Variants in CNTN5 observed in about 807,000 individuals in gnomAD.
CNTN5 encodes contactin-5.
CNTN5 carries 77 observed loss-of-function variants against 129.1 expected under a neutral mutation model. The ratio of observed to expected loss-of-function variants is 0.60; its 90% CI spans 0.50 to 0.72. The LOEUF is 0.72. CNTN5 is among the 30% of genes least tolerant of loss of function. The pLI, the probability that CNTN5 is intolerant of heterozygous loss-of-function variation, is 0.00. For synonymous variants in CNTN5, 509 were observed against 465.6 expected, an observed-to-expected ratio of 1.09 and a Z score of -1.20; for missense variants, 1,478 against 1,328.8, an observed-to-expected ratio of 1.11 and a Z score of -1.75.
At chr11:99,321,294 A>T (rs1314467210) in intron 1 of CNTN5, among the ~76,000 whole-genome samples, 1 of 151,280 alleles carries the variant, frequency 6.6e-6, no homozygotes, top group African/African-American at 2.4e-5. Context: ...TCTCTGGAGA[A>T]CACTGACTAA....
At chr11:99,609,280 A>G (rs1490992968) in intron 3 of CNTN5, among the ~76,000 whole-genome samples, 1 of 152,200 alleles carries the variant, frequency 6.6e-6, no homozygotes, top group Non-Finnish European at 1.5e-5. Context: ...ATATAGACCC[A>G]AAGAGATAAG....
At chr11:100,270,689 T>C (rs1437070436) in intron 17 of CNTN5, among the ~76,000 whole-genome samples, 1 of 152,244 alleles carries the variant, frequency 6.6e-6, no homozygotes. Context: ...TGCTTGGAAT[T>C]ACCAAGTGAC....
intron 2 of CNTN5, among the ~76,000 whole-genome samples, chr11:99,436,087 G>A (rs1392736569): frequency 6.6e-6 from 1 of 152,122 alleles, no homozygotes; most frequent in African/African-American, 2.4e-5. Flanking sequence ...CGCTACCAAA[G>A]ATCTTAAATG....
intron 1 of CNTN5, among the ~76,000 whole-genome samples, chr11:99,209,827 G>A (rs528991206): frequency 1.3e-5 from 2 of 152,046 alleles, no homozygotes; most frequent in South Asian, 2.1e-4. Flanking sequence ...ACCTAACTTC[G>A]GACTTAGTGC....
intron 1 of CNTN5, among the ~76,000 whole-genome samples, chr11:99,204,326 A>G (rs918294342): frequency 6.6e-6 from 1 of 152,150 alleles, no homozygotes; most frequent in Non-Finnish European, 1.5e-5. Context: ...AAATACCCCA[A>G]ATTAATATAG....
intron 3 of CNTN5, among the ~76,000 whole-genome samples, chr11:99,698,212 T>C (rs1272029433): frequency 6.6e-6 from 1 of 151,488 alleles, no homozygotes; most frequent in Non-Finnish European, 1.5e-5. Context: ...AAATACATTA[T>C]TCAAGTATTA....
intron 2 of CNTN5, among the ~76,000 whole-genome samples, chr11:99,351,396 G>T (rs116521047): frequency 0.015 from 2,243 of 152,298 alleles, 41 homozygotes; most frequent in African/African-American, 0.05. Context: ...GGCTCTGTGG[G>T]ATGGAACTGC....
chr11:99,335,808 A>C (rs976269575), intron 2 of CNTN5, among the ~76,000 whole-genome samples: 8 of 152,216 alleles, frequency 5.3e-5, no homozygotes, highest in Admixed American at 2.0e-4. Context: ...GTGGTGCTAG[A>C]GAAAATCTTG....
At chr11:99,592,070 A>C (rs1949997513) in intron 3 of CNTN5, among the ~76,000 whole-genome samples, 1 of 152,224 alleles carries the variant, frequency 6.6e-6, no homozygotes, top group Non-Finnish European at 1.5e-5. Flanking sequence ...GAAGCATATG[A>C]AATTTGAAAG....
At chr11:99,127,815 G>T (rs1014908685) in intron 1 of CNTN5, among the ~76,000 whole-genome samples, 1 of 152,080 alleles carries the variant, frequency 6.6e-6, no homozygotes, top group Non-Finnish European at 1.5e-5. Flanking sequence ...TTGTCCAGTG[G>T]TATCCTCCAT....
intron 6 of CNTN5, among the ~76,000 whole-genome samples, chr11:99,903,771 T>C (rs562502314): frequency 1.3e-5 from 2 of 152,334 alleles, no homozygotes; most frequent in African/African-American, 4.8e-5. Context: ...ACTATTCATC[T>C]GACAAAGGAT....
At chr11:99,765,406 C>A (rs1243099104) in intron 3 of CNTN5, among the ~76,000 whole-genome samples, 1 of 151,518 alleles carries the variant, frequency 6.6e-6, no homozygotes, top group Non-Finnish European at 1.5e-5. Flanking sequence ...GATTTAGTCA[C>A]TGGGGAACAT....
chr11:99,792,711 C>G (rs2135442915), intron 3 of CNTN5, among the ~76,000 whole-genome samples: 1 of 152,158 alleles, frequency 6.6e-6, no homozygotes, highest in Middle Eastern at 3.4e-3. Context: ...TCAGCAGCTC[C>G]TCTTTATACA....
intron 2 of CNTN5, among the ~76,000 whole-genome samples, chr11:99,472,210 G>T (rs2135278588): frequency 6.6e-6 from 1 of 152,252 alleles, no homozygotes; most frequent in Non-Finnish European, 1.5e-5. Flanking sequence ...TAAGTCTGTA[G>T]TATGAGTCTG....
chr11:99,626,356 G>A (rs1019346938), intron 3 of CNTN5, among the ~76,000 whole-genome samples: 1 of 152,068 alleles, frequency 6.6e-6, no homozygotes, highest in Non-Finnish European at 1.5e-5. Flanking sequence ...TTAACATCAC[G>A]GAATAATAGA....
intron 3 of CNTN5, among the ~76,000 whole-genome samples, chr11:99,559,785 C>G (rs1049898033): frequency 5.3e-5 from 8 of 151,916 alleles, no homozygotes; most frequent in African/African-American, 1.9e-4. Context: ...AATAATAACC[C>G]CAAACTGGAA....
intron 9 of CNTN5, among the ~76,000 whole-genome samples, chr11:100,060,964 A>G (rs1943448421): frequency 6.6e-6 from 1 of 152,214 alleles, no homozygotes; most frequent in African/African-American, 2.4e-5. Context: ...AAAATAAATC[A>G]TAATTGGTTA....
intron 7 of CNTN5, among the ~76,000 whole-genome samples, chr11:99,921,275 A>T (rs1197616039): frequency 6.6e-6 from 1 of 152,066 alleles, no homozygotes; most frequent in African/African-American, 2.4e-5. Context: ...GATCTGTCTG[A>T]ACTCAGCTAC....
At chr11:99,659,447 A>T (rs1484338694) in intron 3 of CNTN5, among the ~76,000 whole-genome samples, 1 of 152,156 alleles carries the variant, frequency 6.6e-6, no homozygotes, top group South Asian at 2.1e-4. Flanking sequence ...AATTAATATA[A>T]ATACACTGCG....
Sources: gnomAD v4.1 joint callset for allele counts (sites outside exome capture counted in the v4.1 genomes callset) on GRCh38, gnomAD v4.1.1 for gene constraint, MANE v1.5 for transcripts, NCBI Gene and HGNC (gene_info 2026-07-23, HGNC 2026-07-21) for gene names.